Variants in STXBP6 observed in about 807,000 individuals in gnomAD.
STXBP6 encodes syntaxin-binding protein 6.
Under a neutral mutation model 26.9 loss-of-function variants are expected in STXBP6, and 21 were observed. The observed-to-expected ratio is 0.78, with a 90% confidence interval of 0.55 to 1.12. STXBP6 has a LOEUF of 1.12. STXBP6 is among the 50% of genes most tolerant of loss of function. The pLI is 0.00. For missense variants in STXBP6, 232 were observed against 257.9 expected (o/e 0.90, Z 0.69); for synonymous variants, 97 against 92.6 (o/e 1.05, Z -0.27).
chr14:24,957,099 T>C (rs1380194066), intron 2 of STXBP6, among the ~76,000 whole-genome samples: 1 of 152,134 alleles, frequency 6.6e-6, no homozygotes, highest in African/African-American at 2.4e-5. Context: ...TTACTTAATT[T>C]ACACACCAAG....
intron 4 of STXBP6, among the ~76,000 whole-genome samples, chr14:24,839,063 T>C (rs535913506): frequency 4.6e-5 from 7 of 152,262 alleles, no homozygotes; most frequent in African/African-American, 1.4e-4. Flanking sequence ...AAAATCTCCC[T>C]TCTCAACTGG....
At chr14:24,916,947 A>G (rs1249740884) in intron 2 of STXBP6, among the ~76,000 whole-genome samples, 13 of 152,112 alleles carry the variant, frequency 8.5e-5, no homozygotes, top group Admixed American at 7.9e-4. Flanking sequence ...GGACACAAAC[A>G]TGACCATTCC....
chr14:24,927,662 T>G (rs762755566), intron 2 of STXBP6, among the ~76,000 whole-genome samples: 1 of 152,236 alleles, frequency 6.6e-6, no homozygotes, highest in African/African-American at 2.4e-5. Flanking sequence ...GACAGACACA[T>G]AGTCTCTCTA....
intron 2 of STXBP6, among the ~76,000 whole-genome samples, chr14:24,956,108 C>G (rs1179930130): frequency 6.6e-6 from 1 of 151,878 alleles, no homozygotes; most frequent in Non-Finnish European, 1.5e-5. Context: ...AAATGGGAGA[C>G]AGTTGGGTAA....
At chr14:25,019,810 G>A (rs995578959) in intron 1 of STXBP6, among the ~76,000 whole-genome samples, 13 of 150,636 alleles carry the variant, frequency 8.6e-5, no homozygotes, top group African/African-American at 2.7e-4. Flanking sequence ...TATCACAACC[G>A]TCAGATGTTT....
chr14:24,871,912 G>A (rs2069950558), intron 2 of STXBP6, among the ~76,000 whole-genome samples: 1 of 152,176 alleles, frequency 6.6e-6, no homozygotes. Flanking sequence ...ATCTGCTCGA[G>A]AGTCTTTACT....
At chr14:24,994,286 G>C (rs1046234290) in intron 1 of STXBP6, among the ~76,000 whole-genome samples, 5 of 152,120 alleles carry the variant, frequency 3.3e-5, no homozygotes, top group Non-Finnish European at 7.3e-5. Context: ...CATCTACTGT[G>C]ATTTTTCTAG....
chr14:24,952,604 A>C (rs763207708), intron 2 of STXBP6, among the ~76,000 whole-genome samples: 5 of 152,164 alleles, frequency 3.3e-5, no homozygotes, highest in Non-Finnish European at 7.4e-5. Flanking sequence ...ATTTGACCCC[A>C]ACTCCACAGT....
At chr14:24,966,991 C>T (rs936891564) in intron 2 of STXBP6, among the ~76,000 whole-genome samples, 2 of 152,102 alleles carry the variant, frequency 1.3e-5, no homozygotes, top group Admixed American at 6.5e-5. Context: ...TAAGAAAAGG[C>T]GTTTGGTTTG....
intron 3 of STXBP6, 130 bp from the exon 4 acceptor site, chr14:24,856,231 C>T: frequency 1.1e-6 from 1 of 888,582 alleles, no homozygotes; most frequent in South Asian, 2.2e-5. Context: ...CATCTTTATC[C>T]AAGTGTATGG....
chr14:24,848,113 G>A (rs760987354), intron 4 of STXBP6, among the ~76,000 whole-genome samples: 1 of 152,128 alleles, frequency 6.6e-6, no homozygotes, highest in Non-Finnish European at 1.5e-5. Context: ...TATGCTGGGA[G>A]AAATCATGAA....
intron 2 of STXBP6, among the ~76,000 whole-genome samples, chr14:24,874,911 A>C (rs1156663044): frequency 6.6e-6 from 1 of 152,078 alleles, no homozygotes; most frequent in Non-Finnish European, 1.5e-5. Context: ...TCTCCAGTGG[A>C]AGCCAGTGTT....
intron 1 of STXBP6, among the ~76,000 whole-genome samples, chr14:24,975,180 AT>A (rs2074014124): frequency 6.6e-6 from 1 of 152,166 alleles, no homozygotes; most frequent in East Asian, 1.9e-4. Context: ...TACCCACTCT[AT>A]TCCTGTTCTG....
At chr14:24,998,342 A>C (rs1445131047) in intron 1 of STXBP6, among the ~76,000 whole-genome samples, 1 of 152,226 alleles carries the variant, frequency 6.6e-6, no homozygotes, top group African/African-American at 2.4e-5. Flanking sequence ...TCAAAATAAT[A>C]TATTCTTACG....
chr14:24,931,879 G>A (rs1457988865), intron 2 of STXBP6, among the ~76,000 whole-genome samples: 1 of 152,124 alleles, frequency 6.6e-6, no homozygotes, highest in Admixed American at 6.5e-5. Flanking sequence ...TCAGGAAGGG[G>A]GAAGGCAGGA....
chr14:24,861,873 T>C (rs2069550598), intron 2 of STXBP6, among the ~76,000 whole-genome samples: 1 of 152,176 alleles, frequency 6.6e-6, no homozygotes, highest in Non-Finnish European at 1.5e-5. Flanking sequence ...GTCAAGTTTG[T>C]CTCTGGGGCC....
intron 5 of STXBP6, among the ~76,000 whole-genome samples, chr14:24,815,342 T>G (rs1404738292): frequency 1.3e-5 from 2 of 152,108 alleles, no homozygotes; most frequent in African/African-American, 4.8e-5. Context: ...ATGCTATGCA[T>G]GTAACCTACT....
chr14:25,000,265 A>G (rs1041796402), intron 1 of STXBP6, among the ~76,000 whole-genome samples: 6 of 151,544 alleles, frequency 4.0e-5, no homozygotes, highest in South Asian at 4.2e-4. Context: ...GGGTTTCACC[A>G]TGTTAGCCAG....
intron 1 of STXBP6, among the ~76,000 whole-genome samples, chr14:24,978,240 A>T (rs1427046184): frequency 6.6e-6 from 1 of 152,238 alleles, no homozygotes; most frequent in Non-Finnish European, 1.5e-5. Context: ...CCACCAAATT[A>T]GAATCCTGGG....
Sources: allele counts gnomAD v4.1 joint callset (sites outside exome capture counted in the v4.1 genomes callset), GRCh38; gene constraint gnomAD v4.1.1; transcripts MANE v1.5; gene names NCBI Gene and HGNC (gene_info 2026-07-23, HGNC 2026-07-21).